The following SLC5A3 variants were observed in gnomAD, a reference collection of about 807,000 sequenced individuals.
The protein encoded by SLC5A3 is solute carrier family 5 member 3, also known as sodium/myo-inositol cotransporter.
Under a neutral mutation model 43.2 loss-of-function variants are expected in SLC5A3, and 10 were observed. That is an observed-to-expected ratio of 0.23 (90% CI 0.14 to 0.39). The LOEUF is 0.39. Among genes scored for constraint, SLC5A3 ranks in the 10% least tolerant of loss-of-function variants. SLC5A3 has a pLI of 1.00. For missense variants in SLC5A3, 608 were observed against 893.4 expected (o/e 0.68, Z 4.07); for synonymous variants, 349 against 322.0 (o/e 1.08, Z -0.90).
Position 34,103,280 on chromosome 21 carries a change from T to C in SLC5A3, c.*5925T>C. The C allele has an allele frequency of 2.0e-6, 2 of 997,250 alleles. No individual in the cohort carries two copies. The highest frequency in any genetic ancestry group is 2.4e-6 in the Non-Finnish European group (2 of 828,332). 61.8% of individuals were successfully genotyped at this position (997,250 alleles called of 1,614,324 possible). ...CTTAACAGAAAATTTGTATTTGTTA[T>C]TCCTCTTAAATTTTGTCGTAACTAG... On this transcript the variant is annotated 3_prime_UTR_variant, in exon 2 of 2. Coordinates refer to ENST00000381151, the MANE Select transcript of SLC5A3 (RefSeq NM_006933.7).
chr21:34,099,221 T>C lies in SLC5A3; in HGVS notation c.*1866T>C. The C allele has an allele frequency of 1.0e-6, 1 of 1,000,216 alleles. No individual in the cohort carries two copies. Among genetic ancestry groups the C allele is most frequent in the Non-Finnish European group, 1.2e-6 (1 of 829,976 alleles). 62.0% of individuals were successfully genotyped at this position (1,000,216 alleles called of 1,614,324 possible). A position where few individuals can be genotyped will look rare whatever the true frequency, so the allele number is the denominator to read the frequency against. ...TTTTCTCAATTTTATTCTTGAGGTTTATAATTTGGGGGCCAAATAGATAGA... is the reference window on the plus strand; with the variant it reads ...TTTTCTCAATTTTATTCTTGAGGTTCATAATTTGGGGGCCAAATAGATAGA... On this transcript the variant is annotated 3_prime_UTR_variant, in exon 2 of 2. Transcript: ENST00000381151.
intron 1 of SLC5A3, 143 bp from the exon 2 acceptor site, chr21:34,094,720 G>A (rs1274769342): frequency 7.3e-6 from 1 of 136,486 alleles, no homozygotes; most frequent in African/African-American, 2.8e-5. Flanking sequence ...CTTTCCTGTG[G>A]AACTGAAGTG....
In SLC5A3 at chr21:34,097,839, G is replaced by A. The variant is rs758912587; in HGVS notation, c.*484G>A. On this transcript the variant is annotated 3_prime_UTR_variant, in exon 2 of 2. Coordinates refer to ENST00000381151, the MANE Select transcript of SLC5A3 (RefSeq NM_006933.7). Reference sequence around the variant, plus strand: ...TATGTACTGAAAATCGAATGTGCTTGTGTGATACTTGTTTCAGGACAAGTT... The same window carrying A: ...TATGTACTGAAAATCGAATGTGCTTATGTGATACTTGTTTCAGGACAAGTT... 3.0e-6 allele frequency: 3 copies of A among 997,266 alleles called. No individual in the cohort carries two copies. In the African/African-American group the frequency reaches 5.2e-5, roughly 17 times the overall value. 61.8% of individuals were successfully genotyped at this position (997,266 alleles called of 1,614,324 possible).
intron 1 of SLC5A3, among the ~76,000 whole-genome samples, chr21:34,093,566 A>C (rs1978815843): frequency 6.6e-6 from 1 of 152,008 alleles, no homozygotes. Context: ...TAGGACTTAA[A>C]AGGAAAATGC....
rs1979141583 is a variant in SLC5A3 at position 34,099,618 on chromosome 21, CTTTA to C, written c.*2268_*2271del. On this transcript the variant is annotated 3_prime_UTR_variant, in exon 2 of 2. Transcript: ENST00000381151. ...GGTGTTTGTGATTTTTTTTTTCTCC[CTTTA>C]TTTAACATTGAGTCCTAGTAGTTTG... 1.0e-6 allele frequency: 1 copy of C among 998,802 alleles called. No homozygotes were observed. Among genetic ancestry groups the C allele is most frequent in the Non-Finnish European group, 1.2e-6 (1 of 829,708 alleles). 61.9% of individuals were successfully genotyped at this position (998,802 alleles called of 1,614,324 possible).
At chr21:34,081,456 G>C (rs984741676) in intron 1 of SLC5A3, among the ~76,000 whole-genome samples, 1 of 152,160 alleles carries the variant, frequency 6.6e-6, no homozygotes, top group African/African-American at 2.4e-5. Context: ...ATAGAAAAAT[G>C]CTGATTTTTT....
In SLC5A3 at chr21:34,098,212, C is replaced by G. The variant is rs1286902692; in HGVS notation, c.*857C>G. On this transcript the variant is annotated 3_prime_UTR_variant, in exon 2 of 2. Coordinates refer to ENST00000381151, the MANE Select transcript of SLC5A3 (RefSeq NM_006933.7). ...CTAAGCAGTGTTTGATTAACTTATG[C>G]TAATCAGATGATTACTCATATATTC... 1 of 995,962 alleles carries G rather than the reference C, an allele frequency of 1.0e-6. No homozygotes were observed. The highest frequency in any genetic ancestry group is 1.8e-5 in the African/African-American group (1 of 57,136). The allele number at this position is 995,962 out of a possible 1,614,324, so 61.7% of individuals were successfully genotyped here.
intron 1 of SLC5A3, among the ~76,000 whole-genome samples, chr21:34,090,711 ACTTATTC>A (rs1441562222): frequency 6.6e-6 from 1 of 152,168 alleles, no homozygotes; most frequent in African/African-American, 2.4e-5. Flanking sequence ...TTTCTCTGTT[ACTTATTC>A]CTTATAAATC....
rs534371435 is a variant in SLC5A3, at chr21:34,098,392, A to G, written c.*1037A>G. 1.0e-6 allele frequency: 1 copy of G among 1,000,304 alleles called. No homozygotes were observed. The highest frequency in any genetic ancestry group is 1.7e-5 in the African/African-American group (1 of 57,370). 62.0% of individuals were successfully genotyped at this position (1,000,304 alleles called of 1,614,324 possible). ...GCTCTACTTGATTAGATCATGATAT[A>G]TCAAGGTTGAATTTTTAGAGGGAAA... is the stretch of plus-strand genomic sequence containing the variant. On this transcript the variant is annotated 3_prime_UTR_variant, in exon 2 of 2. Transcript: ENST00000381151.
rs1354796142 is a variant in SLC5A3, at chr21:34,098,656, A to G, written c.*1301A>G. 1.0e-6 allele frequency: 1 copy of G among 1,000,162 alleles called. No individual in the cohort carries two copies. Among genetic ancestry groups the G allele is most frequent in the Non-Finnish European group, 1.2e-6 (1 of 830,002 alleles). 62.0% of individuals were successfully genotyped at this position (1,000,162 alleles called of 1,614,324 possible). ...TAGCATGTTTGAGAGGTGCCAAACA[A>G]GAACTTTTGGGGTTAGTAGTGTGTC... On this transcript the variant is annotated 3_prime_UTR_variant, in exon 2 of 2. Coordinates refer to ENST00000381151, the MANE Select transcript of SLC5A3 (RefSeq NM_006933.7).
rs2148660340 is a variant in SLC5A3 at position 34,098,473 on chromosome 21, T to C, written c.*1118T>C. On this transcript the variant is annotated 3_prime_UTR_variant, in exon 2 of 2. Transcript: ENST00000381151. ...ATAAGTTTTTCCCTGATTTTTTTTT[T>C]CCTCAAAAGACTTTCCATCTGTACA... 1 of 1,000,192 alleles carries C rather than the reference T, an allele frequency of 1.0e-6. No homozygotes were observed. The highest frequency in any genetic ancestry group is 6.1e-5 in the Admixed American group (1 of 16,272). The allele number at this position is 1,000,192 out of a possible 1,614,324, so 62.0% of individuals were successfully genotyped here.
chr21:34,091,160 T>A (rs1978664247), intron 1 of SLC5A3, among the ~76,000 whole-genome samples: 1 of 152,208 alleles, frequency 6.6e-6, no homozygotes, highest in Non-Finnish European at 1.5e-5. Flanking sequence ...GGACTAGGCG[T>A]CTCAGATTGT....
intron 1 of SLC5A3, among the ~76,000 whole-genome samples, chr21:34,085,340 C>T (rs1208624192): frequency 1.3e-5 from 2 of 152,136 alleles, no homozygotes; most frequent in Non-Finnish European, 2.9e-5. Flanking sequence ...ATGCATCACA[C>T]CGGGAGGCAT....
intron 1 of SLC5A3, among the ~76,000 whole-genome samples, chr21:34,083,072 CTTTGT>C (rs1989495763): frequency 6.6e-6 from 1 of 152,146 alleles, no homozygotes. Context: ...CTGGTTTTGT[CTTTGT>C]TTTGACTTGA....
rs758968680 is a variant in SLC5A3, at chr21:34,097,205, C to T, written c.2007C>T (p.Leu669=). The T allele has an allele frequency of 8.7e-6, 14 of 1,614,080 alleles. No homozygotes were observed. In the South Asian group the frequency reaches 1.1e-4, roughly 13 times the overall value. The change falls in exon 2 of 2, where the codon CTC becomes CTT. Residue 669 remains leucine, a synonymous_variant. Transcript: ENST00000381151. ...TTTGTGGCTTTAAAAGTAAGAGCCT[C>T]AGCAAGAGGAGTCTCAGAGACCTGA... ...DWFCGFKSKS[L]SKRSLRDLME...
intron 1 of SLC5A3, among the ~76,000 whole-genome samples, chr21:34,076,145 T>C (rs1294952990): frequency 6.6e-6 from 1 of 152,216 alleles, no homozygotes; most frequent in East Asian, 1.9e-4. Context: ...TAACAGCGGA[T>C]ATGGAAGTTA....
Position 34,101,894 on chromosome 21 carries a change from C to G in SLC5A3, c.*4539C>G, listed in dbSNP as rs1391678468. On this transcript the variant is annotated 3_prime_UTR_variant, in exon 2 of 2. Coordinates refer to ENST00000381151, the MANE Select transcript of SLC5A3 (RefSeq NM_006933.7). ...AAATTAGGGAGAGAGCAGTAGTGAT[C>G]ATTTATGTGAGCCCCTTTGAAATGA... 1.0e-6 allele frequency: 1 copy of G among 999,998 alleles called. No homozygotes were observed. Among genetic ancestry groups the G allele is most frequent in the Non-Finnish European group, 1.2e-6 (1 of 829,926 alleles). The allele number at this position is 999,998 out of a possible 1,614,324, so 61.9% of individuals were successfully genotyped here. A position where few individuals can be genotyped will look rare whatever the true frequency, so the allele number is the denominator to read the frequency against.
rs1979150509 is a variant in SLC5A3, at chr21:34,099,769, A to C, written c.*2414A>C. The C allele has an allele frequency of 1.1e-6, 1 of 910,166 alleles. No homozygotes were observed. The highest frequency in any genetic ancestry group is 5.1e-5 in the South Asian group (1 of 19,450). The allele number at this position is 910,166 out of a possible 1,614,324, so 56.4% of individuals were successfully genotyped here. A position where few individuals can be genotyped will look rare whatever the true frequency, so the allele number is the denominator to read the frequency against. On this transcript the variant is annotated 3_prime_UTR_variant, in exon 2 of 2. Coordinates refer to ENST00000381151, the MANE Select transcript of SLC5A3 (RefSeq NM_006933.7). ...GTTTAGAGTACTAAAGTCTGTAAAT[A>C]AGGAATGACTATTAGCATATTCATT...
In SLC5A3 at chr21:34,097,637, C is replaced by T. The variant is rs779499547; in HGVS notation, c.*282C>T. Reference sequence around the variant, plus strand: ...AGAGACCAATTATTCTCACAGAGCACTTAGAGCAGAATATATGTTAAGTTA... The same window carrying T: ...AGAGACCAATTATTCTCACAGAGCATTTAGAGCAGAATATATGTTAAGTTA... On this transcript the variant is annotated 3_prime_UTR_variant, in exon 2 of 2. Transcript: ENST00000381151. 2.2e-4 allele frequency: 254 copies of T among 1,146,988 alleles called. No homozygotes were observed. Among genetic ancestry groups the T allele is most frequent in the Non-Finnish European group, 2.5e-4 (234 of 923,584 alleles). 71.1% of individuals were successfully genotyped at this position (1,146,988 alleles called of 1,614,324 possible).
Sources: gnomAD v4.1 joint callset for allele counts (sites outside exome capture counted in the v4.1 genomes callset) on GRCh38, gnomAD v4.1.1 for gene constraint, MANE v1.5 for transcripts, NCBI Gene and HGNC (gene_info 2026-07-23, HGNC 2026-07-21) for gene names.